The following ZNF43 variants were observed in gnomAD, a reference collection of about 807,000 sequenced individuals.
The protein encoded by ZNF43 is zinc finger protein 39-like 1 (KOX 27).
A neutral mutation model predicts 68.4 loss-of-function variants in ZNF43; 44 were observed. The ratio of observed to expected loss-of-function variants is 0.64; its 90% CI spans 0.51 to 0.83. The LOEUF (loss-of-function observed/expected upper bound fraction) is 0.83, where lower values mean the gene tolerates loss of function less well. Among genes scored for constraint, ZNF43 ranks in the 40% least tolerant of loss-of-function variants. The probability of loss-of-function intolerance (pLI) is 0.00; values close to 1 mark genes in which losing one functional copy is unlikely to be tolerated. For synonymous variants in ZNF43, 308 were observed against 307.8 expected, an observed-to-expected ratio of 1.00 and a Z score of -0.01; for missense variants, 896 against 933.2, an observed-to-expected ratio of 0.96 and a Z score of 0.52.
upstream of ZNF43, among the ~76,000 whole-genome samples, chr19:21,838,420 G>T (rs1157533964): frequency 1.4e-5 from 2 of 143,780 alleles, no homozygotes; most frequent in Non-Finnish European, 3.0e-5. Flanking sequence ...TTTTTTTGGA[G>T]ATACAGTCTC....
intron 2 of ZNF43, 47 bp from the exon 3 acceptor site, chr19:21,818,033 CA>C: frequency 6.5e-7 from 1 of 1,538,816 alleles, no homozygotes; most frequent in Non-Finnish European, 9.0e-7. Context: ...CATATTCTCC[CA>C]TTATTAACCT....
chr19:21,808,679 G>A lies in ZNF43; in HGVS notation c.1358C>T (p.Pro453Leu). 6 of 1,613,176 alleles carry A rather than the reference G, an allele frequency of 3.7e-6. No homozygotes were observed. Among genetic ancestry groups the A allele is most frequent in the Non-Finnish European group, 4.2e-6 (5 of 1,179,796 alleles). The change falls in exon 4 of 4, where the codon CCC becomes CTC. Residue 453 changes from proline (P) to leucine (L), a missense_variant. Coordinates refer to ENST00000354959, the MANE Select transcript of ZNF43 (RefSeq NM_003423.4). The stretch of plus-strand genomic sequence containing the variant: ...TTTGCCACATACTTCACATTTGTAG[G>A]GTTTCTCTCCAGTATGAATTCTGTT... Reference protein sequence around the residue: ...KHNRIHTGEKPYKCEVCGKAF... With the variant: ...KHNRIHTGEKLYKCEVCGKAF...
chr19:21,822,630 C>G (rs938322275), intron 1 of ZNF43, among the ~76,000 whole-genome samples: 11 of 151,922 alleles, frequency 7.2e-5, no homozygotes, highest in African/African-American at 2.4e-5. Flanking sequence ...ACAGTGAAAC[C>G]CTGTCTCTAC....
intron 3 of ZNF43, among the ~76,000 whole-genome samples, chr19:21,816,401 A>G (rs1392217165): frequency 6.6e-6 from 1 of 152,142 alleles, no homozygotes; most frequent in African/African-American, 2.4e-5. Context: ...ATAAAGCCCA[A>G]GATTAAGGAG....
At position 21,836,181 on chromosome 19, in the gene ZNF43, A is replaced by C; in HGVS notation, c.-143T>G. The C allele has an allele frequency of 6.6e-7, 1 of 1,517,984 alleles. No homozygotes were observed. Among genetic ancestry groups the C allele is most frequent in the Non-Finnish European group, 8.9e-7 (1 of 1,129,760 alleles). The allele number at this position is 1,517,984 out of a possible 1,614,324, so 94.0% of individuals were successfully genotyped here. On this transcript the variant is annotated 5_prime_UTR_variant, in exon 1 of 4. Transcript: ENST00000354959. ...CGCAGAGCTCCAACTGCAGCCAGAG[A>C]CAAAGGCCCCGCCACATCCCGGAAG...
At chr19:21,836,281 G>C (rs2038732198), upstream of ZNF43, 71 of 1,309,314 alleles carry the variant, frequency 5.4e-5, no homozygotes, top group Non-Finnish European at 7.0e-5. Context: ...TAACTTCTAA[G>C]GTCCTGCCCC....
intron 1 of ZNF43, among the ~76,000 whole-genome samples, chr19:21,833,163 T>C (rs1439259940): frequency 6.6e-6 from 1 of 152,210 alleles, no homozygotes; most frequent in Non-Finnish European, 1.5e-5. Context: ...AAGCTAAGCC[T>C]TGGAATTCTG....
At chr19:21,832,581 GACTA>G (rs2038473547) in intron 1 of ZNF43, among the ~76,000 whole-genome samples, 1 of 151,938 alleles carries the variant, frequency 6.6e-6, no homozygotes, top group Non-Finnish European at 1.5e-5. Flanking sequence ...ACTATGAACA[GACTA>G]ACTAAACAAG....
At chr19:21,831,567 G>C (rs983679476) in intron 1 of ZNF43, among the ~76,000 whole-genome samples, 4 of 151,928 alleles carry the variant, frequency 2.6e-5, no homozygotes, top group African/African-American at 9.7e-5. Context: ...CATCATGTTG[G>C]CCAGGCTGAC....
At chr19:21,831,580 C>T (rs1460063096) in intron 1 of ZNF43, among the ~76,000 whole-genome samples, 4 of 152,098 alleles carry the variant, frequency 2.6e-5, no homozygotes, top group Admixed American at 6.6e-5. Context: ...AGGCTGACCT[C>T]GAACTCCTGA....
At chr19:21,827,905 C>T (rs1265458926) in intron 1 of ZNF43, among the ~76,000 whole-genome samples, 1 of 152,124 alleles carries the variant, frequency 6.6e-6, no homozygotes, top group Non-Finnish European at 1.5e-5. Flanking sequence ...AGGTGATCCA[C>T]CCGCCTCAGC....
intron 3 of ZNF43, 65 bp from the exon 4 acceptor site, chr19:21,809,872 A>G: frequency 7.1e-7 from 1 of 1,401,678 alleles, no homozygotes; most frequent in Non-Finnish European, 9.5e-7. Flanking sequence ...TACTTTATGT[A>G]ACATATAAAA....
intron 1 of ZNF43, among the ~76,000 whole-genome samples, chr19:21,828,816 G>A (rs763441861): frequency 5.3e-5 from 8 of 150,432 alleles, no homozygotes; most frequent in East Asian, 2.0e-4. Context: ...AGCAGATCAC[G>A]AGGTCAGGAG....
At chr19:21,851,987 A>G in exon 1 of ZNF43, 1 of 1,523,674 alleles carries the variant, frequency 6.6e-7, no homozygotes. Flanking sequence ...GGAGGCTGCG[A>G]CAAAGTCACC....
rs536146080 is a variant in ZNF43, at chr19:21,814,854, A to C, written c.229+3034T>G. ...ACACTGAAGAAATACACTAATATGA[A>C]ACTGGAAAACAATAATAAGAGAAAT... is the stretch of plus-strand genomic sequence containing the variant. On this transcript the variant is annotated intron_variant, in intron 3 of 3. Transcript: ENST00000354959. Among the ~76,000 whole-genome samples, 15 of 152,210 alleles carry C rather than the reference A, an allele frequency of 9.9e-5. No homozygotes were observed. In the East Asian group the frequency reaches 2.9e-3, roughly 29 times the overall value.
chr19:21,817,979 A>G lies in ZNF43; in HGVS notation c.138T>C (p.Ala46=), dbSNP rs191263415. 6.2e-7 allele frequency: 1 copy of G among 1,612,118 alleles called. No homozygotes were observed. The highest frequency in any genetic ancestry group is 8.5e-7 in the Non-Finnish European group (1 of 1,179,100). ...AGGTGATCAGGTCTGGCTTAGAGAC[A>G]GCAATACCTGTTTCAATAAAAAATA... ...NYRNLVFLGI[A]VSKPDLITCL... The change falls in exon 3 of 4, where the codon GCT becomes GCC. Residue 46 remains alanine (A), a synonymous_variant. Coordinates refer to ENST00000354959, the MANE Select transcript of ZNF43 (RefSeq NM_003423.4).
chr19:21,814,945 T>C (rs1045969966), intron 3 of ZNF43, among the ~76,000 whole-genome samples: 2 of 152,002 alleles, frequency 1.3e-5, no homozygotes, highest in South Asian at 2.1e-4. Flanking sequence ...CCCAGCACTT[T>C]GGGAGGCCGA....
chr19:21,833,317 A>G (rs1422976165), intron 1 of ZNF43, among the ~76,000 whole-genome samples: 2 of 152,088 alleles, frequency 1.3e-5, no homozygotes, highest in African/African-American at 2.4e-5. Context: ...GCCCAGGCTG[A>G]GTACAATGGC....
upstream of ZNF43, chr19:21,839,571 AG>A (rs1489899807): frequency 6.6e-6 from 1 of 152,238 alleles, no homozygotes; most frequent in East Asian, 1.9e-4. Flanking sequence ...GAGAGGAACC[AG>A]GCAGAAGAAT....
Sources: gnomAD v4.1 joint callset for allele counts (sites outside exome capture counted in the v4.1 genomes callset) on GRCh38, gnomAD v4.1.1 for gene constraint, MANE v1.5 for transcripts, NCBI Gene and HGNC (gene_info 2026-07-23, HGNC 2026-07-21) for gene names.